Variants in KMO observed in about 807,000 individuals in gnomAD.
KMO encodes the protein kynurenine 3-hydroxylase.
Under a neutral mutation model 57.8 loss-of-function variants are expected in KMO, and 24 were observed. That is an observed-to-expected ratio of 0.42 (90% CI 0.30 to 0.58). KMO has a LOEUF of 0.58. KMO is among the 20% of genes least tolerant of loss of function. KMO has a pLI of 0.22. For synonymous variants in KMO, 210 were observed against 193.6 expected, an observed-to-expected ratio of 1.08 and a Z score of -0.70; for missense variants, 483 against 588.2, an observed-to-expected ratio of 0.82 and a Z score of 1.85.
chr1:241,539,383 C>A (rs920044040), intron 1 of KMO, among the ~76,000 whole-genome samples: 28 of 134,904 alleles, frequency 2.1e-4, no homozygotes, highest in South Asian at 7.6e-4. Context: ...GACTCCGTCT[C>A]AAAAAAATTC....
intron 10 of KMO, among the ~76,000 whole-genome samples, chr1:241,584,281 A>T (rs1042419469): frequency 2.6e-5 from 4 of 152,150 alleles, no homozygotes; most frequent in African/African-American, 9.7e-5. Flanking sequence ...GAGAAATGCA[A>T]ATCAAAACCA....
intron 6 of KMO, among the ~76,000 whole-genome samples, chr1:241,561,897 T>C (rs1470518723): frequency 1.3e-5 from 2 of 152,346 alleles, no homozygotes; most frequent in Admixed American, 1.3e-4. Flanking sequence ...TCCTCCTTCA[T>C]GCAGAAATCT....
At position 241,592,034 on chromosome 1, in the gene KMO, C is replaced by A. The variant is rs754119767; in HGVS notation, c.1342C>A (p.Arg448=). ...CCTACTTATACACTACATGTCACCA[C>A]GATCTTTCCTCCGCTTGAGAAGACC... ...TYLLIHYMSP[R]SFLRLRRPWN... is the part of the protein sequence containing the mutation. The change falls in exon 15 of 15, where the codon CGA becomes AGA. Residue 448 remains arginine (R), a synonymous_variant. Transcript: ENST00000366559. The A allele has an allele frequency of 3.1e-6, 5 of 1,613,818 alleles. No individual in the cohort carries two copies. Among genetic ancestry groups the A allele is most frequent in the Non-Finnish European group, 4.2e-6 (5 of 1,179,768 alleles).
At chr1:241,589,395 T>C (rs1663156662) in intron 12 of KMO, among the ~76,000 whole-genome samples, 1 of 152,162 alleles carries the variant, frequency 6.6e-6, no homozygotes, top group South Asian at 2.1e-4. Context: ...TTTAAAATAA[T>C]AAAATGAAAG....
At chr1:241,585,895 A>G (rs1662959153) in intron 10 of KMO, among the ~76,000 whole-genome samples, 1 of 152,008 alleles carries the variant, frequency 6.6e-6, no homozygotes, top group South Asian at 2.1e-4. Flanking sequence ...ATAGTACATT[A>G]CTAATTTTGT....
chr1:241,566,120 C>T (rs1315020489), intron 8 of KMO, among the ~76,000 whole-genome samples: 4 of 152,104 alleles, frequency 2.6e-5, no homozygotes, highest in South Asian at 2.1e-4. Context: ...GCAGGAGAAT[C>T]GCTTGAACCT....
chr1:241,557,588 T>C (rs1054199491), intron 5 of KMO, among the ~76,000 whole-genome samples: 6 of 152,212 alleles, frequency 3.9e-5, no homozygotes, highest in Non-Finnish European at 5.9e-5. Flanking sequence ...TCCTTAGTTA[T>C]ATTTGTCAGA....
intron 6 of KMO, among the ~76,000 whole-genome samples, chr1:241,561,302 A>G (rs1373540812): frequency 6.6e-6 from 1 of 152,192 alleles, no homozygotes; most frequent in East Asian, 1.9e-4. Context: ...ACATCTTGCC[A>G]TTATCTCAAA....
intron 10 of KMO, among the ~76,000 whole-genome samples, chr1:241,581,880 A>AT (rs1178864344): frequency 1.3e-5 from 2 of 151,910 alleles, no homozygotes; most frequent in African/African-American, 2.4e-5. Context: ...CCTTCAGGTG[A>AT]TTTTTTTTCT....
chr1:241,539,836 T>C (rs1660896234), intron 1 of KMO, among the ~76,000 whole-genome samples: 1 of 152,004 alleles, frequency 6.6e-6, no homozygotes. Context: ...TTCAATCCCT[T>C]TTATTCAAAA....
chr1:241,566,833 C>T (rs973849066), intron 9 of KMO, among the ~76,000 whole-genome samples: 1 of 152,164 alleles, frequency 6.6e-6, no homozygotes, highest in Non-Finnish European at 1.5e-5. Context: ...AGATGAGCCA[C>T]CAATGTCCCG....
rs1365441330 is a variant in KMO, at chr1:241,592,363, C to T, written c.*210C>T. 1.8e-5 allele frequency: 10 copies of T among 569,166 alleles called. No homozygotes were observed. The highest frequency in any genetic ancestry group is 1.5e-4 in the East Asian group (5 of 33,456). 35.3% of individuals were successfully genotyped at this position (569,166 alleles called of 1,614,324 possible). ...TGAAACATGCAGCTTCCCTACATTA[C>T]ACACACTCAGGTTGAGTCATTCTAA... On this transcript the variant is annotated 3_prime_UTR_variant, in exon 15 of 15. Coordinates refer to ENST00000366559, the MANE Select transcript of KMO (RefSeq NM_003679.5).
rs1428003647 is a variant in KMO at position 241,560,664 on chromosome 1, G to A, written c.362-1G>A. On this transcript the variant is annotated splice_acceptor_variant, in intron 5 of 14. Transcript: ENST00000366559. LOFTEE classifies it high-confidence loss of function. ...GTTTGCCTCTTTCTCCATTTCCTCA[G>A]CTGCTGAGAAATACCCCAATGTGAA... The A allele has an allele frequency of 3.1e-6, 5 of 1,606,578 alleles. No homozygotes were observed. The highest frequency in any genetic ancestry group is 4.3e-6 in the Non-Finnish European group (5 of 1,173,324).
intron 10 of KMO, among the ~76,000 whole-genome samples, chr1:241,571,019 A>G (rs1399220870): frequency 6.6e-6 from 1 of 152,070 alleles, no homozygotes; most frequent in African/African-American, 2.4e-5. Context: ...ATTCCCAGAT[A>G]TCTTACTTTA....
chr1:241,548,234 C>T, intron 1 of KMO, among the ~76,000 whole-genome samples: 1 of 151,968 alleles, frequency 6.6e-6, no homozygotes, highest in Non-Finnish European at 1.5e-5. Flanking sequence ...AGTTTGAGAC[C>T]AGACTGGGCA....
intron 10 of KMO, among the ~76,000 whole-genome samples, chr1:241,570,729 T>G (rs1460418522): frequency 6.6e-6 from 1 of 152,134 alleles, no homozygotes; most frequent in Non-Finnish European, 1.5e-5. Context: ...TGCCTCCAGT[T>G]TTGTTCTTTT....
intron 7 of KMO, 47 bp downstream of exon 7, chr1:241,562,379 T>C: frequency 6.4e-7 from 1 of 1,574,794 alleles, no homozygotes; most frequent in African/African-American, 1.3e-5. Flanking sequence ...CCTTGCTCCA[T>C]GAGCGCGAAT....
chr1:241,572,484 AG>A (rs1233411918), intron 10 of KMO, among the ~76,000 whole-genome samples: 4 of 152,008 alleles, frequency 2.6e-5, no homozygotes, highest in Middle Eastern at 3.4e-3. Flanking sequence ...GTCTAGCTAA[AG>A]GTTTGTTGAT....
intron 1 of KMO, among the ~76,000 whole-genome samples, chr1:241,534,770 C>A (rs1328107027): frequency 6.6e-6 from 1 of 152,210 alleles, no homozygotes; most frequent in East Asian, 1.9e-4. Flanking sequence ...CCAGAAACAC[C>A]CTTCTAAAAC....
Sources: allele counts gnomAD v4.1 joint callset (sites outside exome capture counted in the v4.1 genomes callset), GRCh38; gene constraint gnomAD v4.1.1; transcripts MANE v1.5; gene names NCBI Gene and HGNC (gene_info 2026-07-23, HGNC 2026-07-21).